ODF2L: variants seen among roughly 807,000 people sequenced by gnomAD.
ODF2L encodes the protein protein BCAP.
In ODF2L, 76 loss-of-function variants were observed where a neutral mutation model predicts 86.3. That is an observed-to-expected ratio of 0.88 (90% CI 0.73 to 1.07). The LOEUF (loss-of-function observed/expected upper bound fraction) is 1.07. Among genes scored for constraint, ODF2L ranks in the 50% least tolerant of loss-of-function variants. ODF2L has a pLI of 0.00. For synonymous variants in ODF2L, 241 were observed against 231.3 expected, an observed-to-expected ratio of 1.04 and a Z score of -0.38; for missense variants, 748 against 717.4, an observed-to-expected ratio of 1.04 and a Z score of -0.49.
intron 8 of ODF2L, among the ~76,000 whole-genome samples, chr1:86,374,751 C>T (rs772486082): frequency 1.2e-4 from 19 of 152,158 alleles, no homozygotes; most frequent in Non-Finnish European, 1.9e-4. Context: ...TTACCAAAGA[C>T]CACAGACGTT....
rs1040016237 is a variant in ODF2L, at chr1:86,382,128, T to C, written c.624+114A>G. On this transcript the variant is annotated intron_variant, in intron 7 of 17. Coordinates refer to ENST00000317336, the Ensembl canonical transcript of ODF2L. Reference sequence around the variant, plus strand: ...ATTTACCTTAAATATGTATTTCCCATGTCAACAACTGTGTATTTTAAAACC... The same window carrying C: ...ATTTACCTTAAATATGTATTTCCCACGTCAACAACTGTGTATTTTAAAACC... 35 of 1,289,466 alleles carry C rather than the reference T, an allele frequency of 2.7e-5. No individual in the cohort carries two copies. The South Asian group carries it at 6.6e-4, about 24-fold the overall frequency. The allele number at this position is 1,289,466 out of a possible 1,614,324, so 79.9% of individuals were successfully genotyped here.
chr1:86,355,223 T>C (rs1658449634), intron 14 of ODF2L: 4 of 682,508 alleles, frequency 5.9e-6, no homozygotes, highest in Admixed American at 2.9e-5. Flanking sequence ...GTTTCTCTTA[T>C]GGTTTTCTGT....
At chr1:86,390,278 G>A (rs894527342) in intron 1 of ODF2L, among the ~76,000 whole-genome samples, 1 of 152,036 alleles carries the variant, frequency 6.6e-6, no homozygotes, top group Non-Finnish European at 1.5e-5. Context: ...AAAATTAGCT[G>A]GGCATCGTGG....
At chr1:86,385,730 T>C (rs1052915676) in intron 2 of ODF2L, 140 bp from the exon 3 acceptor site, 12 of 541,956 alleles carry the variant, frequency 2.2e-5, no homozygotes, top group African/African-American at 1.7e-4. Context: ...ACTTGGACTT[T>C]GAGTGTAAGC....
exon 8 of ODF2L, chr1:86,376,273 G>A: frequency 1.2e-6 from 2 of 1,612,270 alleles, no homozygotes; most frequent in Non-Finnish European, 1.7e-6. Flanking sequence ...AATAGCTCCT[G>A]TAAAATGGTC....
downstream of ODF2L, chr1:86,349,859 C>T (rs1306295925): frequency 6.6e-6 from 1 of 152,204 alleles, no homozygotes; most frequent in Non-Finnish European, 1.5e-5. Context: ...ACAAAAAGGC[C>T]TGCAGGTAAG....
intron 7 of ODF2L, chr1:86,382,041 A>G: frequency 1.7e-6 from 1 of 575,218 alleles, no homozygotes; most frequent in Non-Finnish European, 2.5e-6. Flanking sequence ...GGTATTAAAC[A>G]GAGACAGCAT....
intron 11 of ODF2L, chr1:86,360,939 TTAAC>T (rs1408407470): frequency 6.6e-6 from 1 of 152,634 alleles, no homozygotes; most frequent in East Asian, 1.9e-4. Context: ...AGACAACTGT[TTAAC>T]TATTAGGAAA....
At chr1:86,357,363 TG>T (rs1192749990) in intron 13 of ODF2L, among the ~76,000 whole-genome samples, 1 of 151,720 alleles carries the variant, frequency 6.6e-6, no homozygotes, top group African/African-American at 2.4e-5. Context: ...TTTTTTTTTT[TG>T]CAAAATTAAA....
At chr1:86,389,564 G>GAAAAAAAAAAAAAAAAAAAAAAAAAA in intron 1 of ODF2L, among the ~76,000 whole-genome samples, 1 of 122,014 alleles carries the variant, frequency 8.2e-6, no homozygotes, top group Non-Finnish European at 1.7e-5. Flanking sequence ...AAATGAAACT[G>GAAAAAAAAAAAAAAAAAAAAAAAAAA]AAAAAAAAAA....
intron 1 of ODF2L, among the ~76,000 whole-genome samples, chr1:86,388,975 T>A (rs1006615866): frequency 2.0e-5 from 3 of 152,162 alleles, no homozygotes; most frequent in Admixed American, 1.3e-4. Flanking sequence ...GGAATTTCCA[T>A]GAAAATTATC....
At chr1:86,383,965 TA>T (rs1204592760) in intron 4 of ODF2L, among the ~76,000 whole-genome samples, 1 of 151,790 alleles carries the variant, frequency 6.6e-6, no homozygotes, top group Non-Finnish European at 1.5e-5. Flanking sequence ...GTAACATATA[TA>T]AAGAAACAAA....
At chr1:86,368,666 A>G in exon 11 of ODF2L, 3 of 1,452,622 alleles carry the variant, frequency 2.1e-6, no homozygotes, top group Non-Finnish European at 2.8e-6. Flanking sequence ...AAAGCATATC[A>G]AGAACAATCA....
exon 18 of ODF2L, chr1:86,351,986 A>G: frequency 7.8e-7 from 1 of 1,277,922 alleles, no homozygotes; most frequent in Non-Finnish European, 9.9e-7. Context: ...ACAATATCAG[A>G]AAGTCAAATG....
intron 11 of ODF2L, among the ~76,000 whole-genome samples, chr1:86,361,754 AAAT>A (rs1165166112): frequency 3.3e-5 from 5 of 152,160 alleles, no homozygotes; most frequent in Non-Finnish European, 4.4e-5. Flanking sequence ...CAAATATAAA[AAAT>A]AATGAGTAGG....
rs770419985 is a variant in ODF2L, at chr1:86,385,599, A to G, written c.114-9T>C. The stretch of plus-strand genomic sequence containing the variant: ...GAATGTCCTGCTTCAGGCTAATTAC[A>G]AATGCACATACAAAATTTAAGTTAA... On this transcript the variant is annotated splice_polypyrimidine_tract_variant and intron_variant, in intron 2 of 17. Transcript: ENST00000317336. The G allele has an allele frequency of 1.2e-6, 2 of 1,606,946 alleles. No individual in the cohort carries two copies. The highest frequency in any genetic ancestry group is 2.2e-5 in the South Asian group (2 of 90,670).
At chr1:86,352,123 A>G in exon 18 of ODF2L, 1 of 1,471,636 alleles carries the variant, frequency 6.8e-7, no homozygotes, top group Admixed American at 2.9e-5. Flanking sequence ...GCATGCCAAA[A>G]ATCATTTAAC....
chr1:86,365,529 A>G (rs1659343849), intron 11 of ODF2L, among the ~76,000 whole-genome samples: 1 of 152,234 alleles, frequency 6.6e-6, no homozygotes, highest in South Asian at 2.1e-4. Flanking sequence ...TGGGAAGATT[A>G]GTAATGTGCC....
chr1:86,360,089 T>G (rs548034257), intron 12 of ODF2L, among the ~76,000 whole-genome samples: 1 of 152,334 alleles, frequency 6.6e-6, no homozygotes, highest in South Asian at 2.1e-4. Flanking sequence ...AGGGAGTCAT[T>G]AATCTAAATC....
Sources: allele counts gnomAD v4.1 joint callset (sites outside exome capture counted in the v4.1 genomes callset), GRCh38; gene constraint gnomAD v4.1.1; transcripts MANE v1.5; gene names NCBI Gene and HGNC (gene_info 2026-07-23, HGNC 2026-07-21).